BMPR1B: variants seen among roughly 807,000 people sequenced by gnomAD.
BMPR1B encodes bone morphogenetic protein receptor type 1B.
Under a neutral mutation model 59.1 loss-of-function variants are expected in BMPR1B, and 12 were observed. That is an observed-to-expected ratio of 0.20 (90% confidence interval 0.13 to 0.33). The LOEUF (loss-of-function observed/expected upper bound fraction) is 0.33, where lower values mean the gene tolerates loss of function less well. Ranked by LOEUF, BMPR1B falls within the 10% of genes least tolerant of loss-of-function variation. BMPR1B has a pLI of 1.00. For missense variants in BMPR1B, 550 were observed against 610.9 expected (o/e 0.90, Z 1.05); for synonymous variants, 237 against 207.3 (o/e 1.14, Z -1.23).
chr4:95,148,637 A>G, intron 10 of BMPR1B, 111 bp from the exon 11 acceptor site: 3 of 1,077,176 alleles, frequency 2.8e-6, no homozygotes, highest in Non-Finnish European at 4.2e-6. Flanking sequence ...TTCCCTGGAA[A>G]GTTTTTCTTT....
chr4:95,068,845 C>A (rs1287689168), intron 3 of BMPR1B, among the ~76,000 whole-genome samples: 1 of 152,096 alleles, frequency 6.6e-6, no homozygotes, highest in Non-Finnish European at 1.5e-5. Context: ...CCTGAGGAAC[C>A]AAAATTATGA....
chr4:95,091,271 TTTTTTTTTTGTTTTG>T (rs1435554913), intron 3 of BMPR1B, among the ~76,000 whole-genome samples: 109 of 150,172 alleles, frequency 7.3e-4, no homozygotes, highest in African/African-American at 2.6e-3. Flanking sequence ...TTTTCTTTTC[TTTTTTTTTTGTTTTG>T]TTTTGTTTTG....
chr4:94,882,427 A>G (rs964691073), intron 2 of BMPR1B, among the ~76,000 whole-genome samples: 1 of 152,226 alleles, frequency 6.6e-6, no homozygotes, highest in Non-Finnish European at 1.5e-5. Flanking sequence ...GAAATAACAT[A>G]AATATTTAGC....
At position 94,768,600 on chromosome 4, in the gene BMPR1B, C is replaced by T. The variant is rs1017449263; in HGVS notation, c.-183+10532C>T. Among the ~76,000 whole-genome samples, 4 of 152,104 alleles carry T rather than the reference C, an allele frequency of 2.6e-5. No individual in the cohort carries two copies. The East Asian group carries it at 7.7e-4, about 29-fold the overall frequency. ...TCTGAGCCAAAAAAATTAAAATACA[C>T]TCATTTCTATTGTGAATATCAACAG... On this transcript the variant is annotated intron_variant, in intron 1 of 12. Transcript: ENST00000515059.
chr4:95,035,600 C>G (rs2149163856), intron 3 of BMPR1B, among the ~76,000 whole-genome samples: 1 of 152,086 alleles, frequency 6.6e-6, no homozygotes, highest in African/African-American at 2.4e-5. Context: ...AAATATTTGG[C>G]TTTATTTCTG....
intron 4 of BMPR1B, among the ~76,000 whole-genome samples, chr4:95,109,251 G>T (rs3796432): frequency 0.31 from 46,754 of 152,004 alleles, 7,870 homozygotes; most frequent in Middle Eastern, 0.43. Context: ...AGTTTTCAGG[G>T]TTTACAGATG....
At chr4:95,096,278 A>G (rs1363928309) in intron 3 of BMPR1B, among the ~76,000 whole-genome samples, 2 of 151,776 alleles carry the variant, frequency 1.3e-5, no homozygotes, top group Non-Finnish European at 2.9e-5. Flanking sequence ...AAACATGTAC[A>G]TAGCTAAAAA....
In BMPR1B at chr4:94,988,789, A is replaced by C. The variant is rs77470625; in HGVS notation, c.-112-7251A>C. Among the ~76,000 whole-genome samples the C allele has an allele frequency of 4.1e-3, 620 of 152,192 alleles. 3 individuals carry two copies. Among genetic ancestry groups the C allele is most frequent in the African/African-American group, 0.014 (597 of 41,512 alleles). The stretch of plus-strand genomic sequence containing the variant: ...ATTACTTGAGAACAAAGAACCTTAG[A>C]GTTAAAGGTAAGTGAGTCTGTATGT... On this transcript the variant is annotated intron_variant, in intron 2 of 12. Transcript: ENST00000515059.
intron 2 of BMPR1B, among the ~76,000 whole-genome samples, chr4:94,906,798 G>C (rs1275042645): frequency 6.6e-6 from 1 of 151,940 alleles, no homozygotes; most frequent in African/African-American, 2.4e-5. Flanking sequence ...TTAGCTAACA[G>C]TTTGAAAACT....
chr4:94,872,221 G>C (rs1199011944), intron 1 of BMPR1B, among the ~76,000 whole-genome samples: 2 of 152,126 alleles, frequency 1.3e-5, no homozygotes, highest in African/African-American at 2.4e-5. Context: ...TGAAGGCAAA[G>C]CCCTAGAGTA....
intron 1 of BMPR1B, among the ~76,000 whole-genome samples, chr4:94,821,784 G>A (rs964657596): frequency 1.3e-5 from 2 of 152,308 alleles, no homozygotes; most frequent in African/African-American, 4.8e-5. Context: ...GGATGGTACT[G>A]TGTGCCAATA....
chr4:94,841,360 C>A (rs6851125), intron 1 of BMPR1B, among the ~76,000 whole-genome samples: 72,955 of 144,900 alleles, frequency 0.5, 19,972 homozygotes, highest in African/African-American at 0.68. Flanking sequence ...CCTCCCCCAG[C>A]CTCGCTGCCG....
chr4:94,816,142 A>G (rs1261640510), intron 1 of BMPR1B, among the ~76,000 whole-genome samples: 1 of 151,926 alleles, frequency 6.6e-6, no homozygotes, highest in Non-Finnish European at 1.5e-5. Flanking sequence ...GTTTTATGCT[A>G]GAGTTTTTAT....
At chr4:94,970,462 C>T (rs527997709) in intron 2 of BMPR1B, among the ~76,000 whole-genome samples, 5 of 151,912 alleles carry the variant, frequency 3.3e-5, no homozygotes, top group African/African-American at 4.8e-5. Flanking sequence ...ACTACAGGCG[C>T]GCCACCATGC....
intron 4 of BMPR1B, among the ~76,000 whole-genome samples, chr4:95,108,210 A>C (rs919042648): frequency 6.6e-6 from 1 of 152,064 alleles, no homozygotes; most frequent in Non-Finnish European, 1.5e-5. Flanking sequence ...TTTTAAATTC[A>C]CCCCTTCCCA....
intron 2 of BMPR1B, among the ~76,000 whole-genome samples, chr4:94,940,418 T>C (rs1444268256): frequency 6.6e-6 from 1 of 152,234 alleles, no homozygotes; most frequent in East Asian, 1.9e-4. Context: ...GCCAAAAGAT[T>C]GGATACCCCT....
chr4:94,959,809 T>G (rs1381826980), intron 2 of BMPR1B, among the ~76,000 whole-genome samples: 2 of 152,024 alleles, frequency 1.3e-5, no homozygotes, highest in Non-Finnish European at 2.9e-5. Context: ...GGGTAGAGAG[T>G]ATGATTTTAG....
At chr4:95,082,635 G>T (rs1360812361) in intron 3 of BMPR1B, among the ~76,000 whole-genome samples, 1 of 152,210 alleles carries the variant, frequency 6.6e-6, no homozygotes, top group South Asian at 2.1e-4. Flanking sequence ...CTTGCTTAAG[G>T]TCCCAAATAG....
At chr4:95,042,784 A>G (rs1363317164) in intron 3 of BMPR1B, among the ~76,000 whole-genome samples, 2 of 152,144 alleles carry the variant, frequency 1.3e-5, no homozygotes, top group Non-Finnish European at 2.9e-5. Flanking sequence ...CTTGCTTTCC[A>G]TCTCCTGCCA....
Sources: gnomAD v4.1 joint callset for allele counts (sites outside exome capture counted in the v4.1 genomes callset) on GRCh38, gnomAD v4.1.1 for gene constraint, MANE v1.5 for transcripts, NCBI Gene and HGNC (gene_info 2026-07-23, HGNC 2026-07-21) for gene names.